The following RAB41 variants were observed in gnomAD, a reference collection of about 807,000 sequenced individuals.
RAB41 encodes ras-related protein Rab-41.
A neutral mutation model predicts 19.0 loss-of-function variants in RAB41; 15 were observed. The ratio of observed to expected loss-of-function variants is 0.79; its 90% CI spans 0.53 to 1.21. The LOEUF (loss-of-function observed/expected upper bound fraction) is 1.21, where lower values mean the gene tolerates loss of function less well. RAB41 is among the 50% of genes most tolerant of loss of function. RAB41 has a pLI of 0.00. For missense variants in RAB41, 177 were observed against 179.7 expected (o/e 0.99, Z 0.09); for synonymous variants, 73 against 64.7 (o/e 1.13, Z -0.62).
Position 70,284,579 on chromosome X carries a change from A to C in RAB41, c.614-9A>C. The C allele has an allele frequency of 1.7e-6, 2 of 1,206,901 alleles. No homozygotes were observed. The highest frequency in any genetic ancestry group is 2.2e-6 in the Non-Finnish European group (2 of 891,394). On this transcript the variant is annotated splice_polypyrimidine_tract_variant and intron_variant, in intron 7 of 7. Transcript: ENST00000374473. ...CTCACTGTATTAGCTTCCTTGACACACACTTCAGCGGTTGAAATCGAACTG... is the reference window on the plus strand; with the variant it reads ...CTCACTGTATTAGCTTCCTTGACACCCACTTCAGCGGTTGAAATCGAACTG...
At chrX:70,283,770 G>T (rs547951138) in intron 5 of RAB41, 146 bp downstream of exon 5, 12 of 536,396 alleles carry the variant, frequency 2.2e-5, no homozygotes, top group Non-Finnish European at 3.5e-5. Flanking sequence ...ACAGGGGGGC[G>T]TCCCATCAGG....
intron 3 of RAB41, 61 bp from the exon 4 acceptor site, chrX:70,283,207 T>A (rs778361436): frequency 9.0e-6 from 9 of 999,507 alleles, no homozygotes; most frequent in Middle Eastern, 5.2e-4. Context: ...TTTGAGCTTT[T>A]TAAAAAGGCT....
rs2275411 is a variant in RAB41, at chrX:70,284,280, G to C, written c.564G>C (p.Val188=). Residue 188 remains valine, a synonymous_variant, in exon 7 of 8, where the codon GTG becomes GTC. Transcript: ENST00000374473. ...CACACACACAGCTGTTCCGGCGTGT[G>C]GCTTCTGCCCTTCTTTCCACAAGGA... is the stretch of plus-strand genomic sequence containing the variant. ...GYNVKKLFRR[V]ASALLSTRTS... 5.0e-3 allele frequency: 5,991 copies of C among 1,203,199 alleles called. 144 individuals carry two copies. The East Asian group carries it at 0.1, about 21-fold the overall frequency.
intron 4 of RAB41, 62 bp from the exon 5 acceptor site, chrX:70,283,451 G>A: frequency 9.2e-7 from 1 of 1,091,541 alleles, no homozygotes; most frequent in Non-Finnish European, 1.3e-6. Flanking sequence ...TTAGCAGAGA[G>A]GAAGTGTTCT....
rs774997757 is a variant in RAB41 at position 70,282,781 on chromosome X, G to GTATC, written c.184-19_184-16dup. ...TTGGGAATAGAGGGAATGCTGGAGT[G>GTATC]TATCTGATTTTCTTTTGCAGGCAAC... is the stretch of plus-strand genomic sequence containing the variant. On this transcript the variant is annotated intron_variant, in intron 2 of 7. Transcript: ENST00000374473. The GTATC allele has an allele frequency of 4.1e-6, 5 of 1,206,242 alleles. No individual in the cohort carries two copies. The Admixed American group carries it at 1.1e-4, about 26-fold the overall frequency.
chrX:70,284,250 T>C lies in RAB41; in HGVS notation c.550-16T>C. 1.8e-6 allele frequency: 2 copies of C among 1,091,793 alleles called. No individual in the cohort carries two copies. Among genetic ancestry groups the C allele is most frequent in the South Asian group, 4.1e-5 (2 of 48,316 alleles). 90.0% of individuals were successfully genotyped at this position (1,091,793 alleles called of 1,213,427 possible). A position where few individuals can be genotyped will look rare whatever the true frequency, so the allele number is the denominator to read the frequency against. On this transcript the variant is annotated splice_polypyrimidine_tract_variant and intron_variant, in intron 6 of 7. Coordinates refer to ENST00000374473, the MANE Select transcript of RAB41 (RefSeq NM_001363807.1). Reference sequence around the variant, plus strand: ...CCCTTTTTTTTTTTTTGGTCCCCATTCACACACACACACAGCTGTTCCGGC... The same window carrying C: ...CCCTTTTTTTTTTTTTGGTCCCCATCCACACACACACACAGCTGTTCCGGC...
intron 7 of RAB41, 60 bp from the exon 8 acceptor site, chrX:70,284,528 G>A (rs2085707650): frequency 9.7e-7 from 1 of 1,034,708 alleles, no homozygotes; most frequent in Non-Finnish European, 1.4e-6. Context: ...AGCTGACCTT[G>A]GGTGTTAAGA....
In RAB41 at chrX:70,284,647, C is replaced by T. The variant is rs370529206; in HGVS notation, c.*4C>T. On this transcript the variant is annotated 3_prime_UTR_variant, in exon 8 of 8. Coordinates refer to ENST00000374473, the MANE Select transcript of RAB41 (RefSeq NM_001363807.1). ...AGGCAACAGAAGCTATTGTTGACAGCTTAGGCTTTCTCTGCCTCATTTGAT... is the reference window on the plus strand; with the variant it reads ...AGGCAACAGAAGCTATTGTTGACAGTTTAGGCTTTCTCTGCCTCATTTGAT... 5.4e-5 allele frequency: 65 copies of T among 1,194,433 alleles called. No individual in the cohort carries two copies. Among genetic ancestry groups the T allele is most frequent in the Non-Finnish European group, 6.9e-5 (61 of 881,174 alleles).
Position 70,284,614 on chromosome X carries a change from G to A in RAB41, c.640G>A (p.Glu214Lys), listed in dbSNP as rs752092150. Residue 214 changes from glutamate (E) to lysine (K), a missense_variant, in exon 8 of 8, where the codon GAG (glutamate) becomes AAG (lysine). Transcript: ENST00000374473. Reference protein sequence around the residue: ...GTVEIELESFEESGNRSYC With the variant: ...GTVEIELESFKESGNRSYC ...GGTTGAAATCGAACTGGAATCCTTCGAGGAGTCAGGCAACAGAAGCTATTG... is the reference window on the plus strand; with the variant it reads ...GGTTGAAATCGAACTGGAATCCTTCAAGGAGTCAGGCAACAGAAGCTATTG... 1.7e-6 allele frequency: 2 copies of A among 1,209,062 alleles called. No individual in the cohort carries two copies. The highest frequency in any genetic ancestry group is 3.0e-5 in the East Asian group (1 of 33,821).
chrX:70,283,261 T>G lies in RAB41; in HGVS notation c.238-7T>G. 8.3e-7 allele frequency: 1 copy of G among 1,199,812 alleles called. No individual in the cohort carries two copies. Among genetic ancestry groups the G allele is most frequent in the Non-Finnish European group, 1.1e-6 (1 of 886,192 alleles). Reference sequence around the variant, plus strand: ...CCCCCATCTTCTTCCTAAACATTTTTATGCAGGTTCAGCTGCAGCTATGGG... The same window carrying G: ...CCCCCATCTTCTTCCTAAACATTTTGATGCAGGTTCAGCTGCAGCTATGGG... On this transcript the variant is annotated splice_polypyrimidine_tract_variant and splice_region_variant and intron_variant, in intron 3 of 7. Transcript: ENST00000374473.
Position 70,283,608 on chromosome X carries a change from G to T in RAB41, c.439G>T (p.Asp147Tyr). Reference protein sequence around the residue: ...VVIMLLGNKIDLDNKRQVTAE... With the variant: ...VVIMLLGNKIYLDNKRQVTAE... ...CATCATGTTGTTGGGTAACAAGATT[G>T]ATTTGGATAACAAAAGGTAAAGTAT... Residue 147 changes from aspartate to tyrosine, a missense_variant, in exon 5 of 8, where the codon GAT becomes TAT. Physicochemically the swap from Asp to Tyr is radical, Grantham distance 160 (BLOSUM62 -3). Coordinates refer to ENST00000374473, the MANE Select transcript of RAB41 (RefSeq NM_001363807.1). 8.4e-7 allele frequency: 1 copy of T among 1,191,525 alleles called. No individual in the cohort carries two copies. Among genetic ancestry groups the T allele is most frequent in the Non-Finnish European group, 1.1e-6 (1 of 876,874 alleles).
rs949761322 is a variant in RAB41, at chrX:70,282,285, G to A, written c.68G>A (p.Arg23Lys). 1 of 1,210,629 alleles carries A rather than the reference G, an allele frequency of 8.3e-7. No homozygotes were observed. Among genetic ancestry groups the A allele is most frequent in the Non-Finnish European group, 1.1e-6 (1 of 895,150 alleles). The change falls in exon 1 of 8, where the codon AGA becomes AAA. Residue 23 changes from arginine (R) to lysine (K), a missense_variant. Coordinates refer to ENST00000374473, the MANE Select transcript of RAB41 (RefSeq NM_001363807.1). ...GGCTTTGGTCTGGAGGCTGCCGAAA[G>A]AACGGAATACCAGTCTCTGTGCAAA... ...AGGFGLEAAE[R>K]TEYQSLCKSK... is the part of the protein sequence containing the mutation.
Position 70,284,424 on chromosome X carries a change from A to G in RAB41, c.613+95A>G. ...TGATGCCTGAGTGGTACCTAAGGGG[A>G]AAATGGGACTAACTTTAGCCCAAAG... is the stretch of plus-strand genomic sequence containing the variant. On this transcript the variant is annotated intron_variant, in intron 7 of 7. Coordinates refer to ENST00000374473, the MANE Select transcript of RAB41 (RefSeq NM_001363807.1). 3.0e-6 allele frequency: 3 copies of G among 1,011,826 alleles called. No homozygotes were observed. The East Asian group carries it at 9.2e-5, about 31-fold the overall frequency. 83.4% of individuals were successfully genotyped at this position (1,011,826 alleles called of 1,213,427 possible). A position where few individuals can be genotyped will look rare whatever the true frequency, so the allele number is the denominator to read the frequency against.
Position 70,282,181 on chromosome X carries a change from C to T in RAB41, c.-37C>T, listed in dbSNP as rs766365866. The T allele has an allele frequency of 4.1e-6, 5 of 1,209,038 alleles. No homozygotes were observed. The highest frequency in any genetic ancestry group is 1.8e-5 in the South Asian group (1 of 56,764). ...GTGAAGTCCGGCGGCTCAGGCTGAG[C>T]GTTGGAAGCCATTTTGGCTGCAACC... is the stretch of plus-strand genomic sequence containing the variant. On this transcript the variant is annotated 5_prime_UTR_variant, in exon 1 of 8. Transcript: ENST00000374473.
Position 70,282,235 on chromosome X carries a change from C to T in RAB41, c.18C>T (p.His6=). 8.3e-7 allele frequency: 1 copy of T among 1,211,978 alleles called. No homozygotes were observed. The highest frequency in any genetic ancestry group is 1.8e-5 in the South Asian group (1 of 57,006). Reference sequence around the variant, plus strand: ...CTGAAGCGATGTCTGCCTTTGGTCACGACGAGGCCTGGATGGAGGCCGGAG... The same window carrying T: ...CTGAAGCGATGTCTGCCTTTGGTCATGACGAGGCCTGGATGGAGGCCGGAG... MSAFG[H]DEAWMEAGGF... Residue 6 remains histidine, a synonymous_variant, in exon 1 of 8, where the codon CAC becomes CAT. Transcript: ENST00000374473.
At chrX:70,283,211 A>G (rs749820647) in intron 3 of RAB41, 57 bp from the exon 4 acceptor site, 1 of 1,011,944 alleles carries the variant, frequency 9.9e-7, no homozygotes, top group African/African-American at 1.9e-5. Context: ...AGCTTTTTAA[A>G]AAGGCTAGTT....
rs141952429 is a variant in RAB41, at chrX:70,284,843, C to T, written c.*200C>T. The T allele has an allele frequency of 9.5e-5, 42 of 440,244 alleles. No individual in the cohort carries two copies. The highest frequency in any genetic ancestry group is 2.6e-4 in the Admixed American group (7 of 26,654). The allele number at this position is 440,244 out of a possible 1,213,427, so 36.3% of individuals were successfully genotyped here. A position where few individuals can be genotyped will look rare whatever the true frequency, so the allele number is the denominator to read the frequency against. ...ACAGCTACTGGGTGGAAGCTTCTTG[C>T]AGCACCTGGGAATTCTACCTTACCT... On this transcript the variant is annotated 3_prime_UTR_variant, in exon 8 of 8. Coordinates refer to ENST00000374473, the MANE Select transcript of RAB41 (RefSeq NM_001363807.1).
intron 3 of RAB41, among the ~76,000 whole-genome samples, chrX:70,283,063 T>C (rs1024013196): frequency 8.9e-6 from 1 of 112,591 alleles, no homozygotes; most frequent in Non-Finnish European, 1.9e-5. Context: ...TGCTGTAGGG[T>C]CTTCCTGAAT....
intron 5 of RAB41, 113 bp from the exon 6 acceptor site, chrX:70,283,837 C>A: frequency 1.7e-6 from 1 of 575,234 alleles, no homozygotes; most frequent in Non-Finnish European, 2.9e-6. Flanking sequence ...TCAGAAGGGT[C>A]ATGGGTTTAA....
Sources: gnomAD v4.1 joint callset for allele counts (sites outside exome capture counted in the v4.1 genomes callset) on GRCh38, gnomAD v4.1.1 for gene constraint, MANE v1.5 for transcripts, NCBI Gene and HGNC (gene_info 2026-07-23, HGNC 2026-07-21) for gene names.